The following USP34 variants were observed in gnomAD, a reference collection of about 807,000 sequenced individuals.
USP34 encodes ubiquitin carboxyl-terminal hydrolase 34.
In USP34, 70 loss-of-function variants were observed where a neutral mutation model predicts 460.3. The ratio of observed to expected loss-of-function variants is 0.15; its 90% CI spans 0.13 to 0.19. USP34 has a LOEUF of 0.19. Among genes scored for constraint, USP34 ranks in the 10% least tolerant of loss-of-function variants. USP34 has a pLI of 1.00. For synonymous variants in USP34, 1,647 were observed against 1,405.3 expected (o/e 1.17, Z -3.85); for missense variants, 3,985 against 4,236.2 (o/e 0.94, Z 1.65).
intron 19 of USP34, among the ~76,000 whole-genome samples, chr2:61,333,073 A>G (rs1691317102): frequency 6.6e-6 from 1 of 152,056 alleles, no homozygotes; most frequent in Non-Finnish European, 1.5e-5. Flanking sequence ...TGTCTCCGAA[A>G]TCTCTCCAAA....
rs1173818986 is a variant in USP34, at chr2:61,348,080, A to C, written c.2075T>G (p.Leu692Arg). 6.2e-7 allele frequency: 1 copy of C among 1,614,214 alleles called. No individual in the cohort carries two copies. The highest frequency in any genetic ancestry group is 1.7e-5 in the Admixed American group (1 of 60,026). Reference protein sequence around the residue: ...LPSVDNRMRMLDACSHSEDPE... With the variant: ...LPSVDNRMRMRDACSHSEDPE... The stretch of plus-strand genomic sequence containing the variant: ...GTCTTCAGAGTGTGAACAAGCATCC[A>C]GCATTCGCATTCGATTATCTACTGA... Residue 692 changes from leucine to arginine, a missense_variant, in exon 15 of 80, where the codon CTG (leucine) becomes CGG (arginine). By Grantham distance (102) the Leu-to-Arg change is moderately radical (BLOSUM62 -2). Transcript: ENST00000398571.
intron 57 of USP34, among the ~76,000 whole-genome samples, chr2:61,234,627 A>G (rs955114587): frequency 6.6e-6 from 1 of 152,004 alleles, no homozygotes; most frequent in Admixed American, 6.6e-5. Flanking sequence ...ACAAAGTTTC[A>G]GGTTTATTTT....
intron 34 of USP34, 24 bp downstream of exon 34, chr2:61,288,650 CATT>C (rs769051807): frequency 6.2e-7 from 1 of 1,600,650 alleles, no homozygotes; most frequent in Admixed American, 1.7e-5. Context: ...TGGAATTCAT[CATT>C]AAACATTAAT....
At chr2:61,369,777 T>C (rs1900573) in intron 10 of USP34, among the ~76,000 whole-genome samples, 105,853 of 148,146 alleles carry the variant, frequency 0.71, 38,136 homozygotes, top group African/African-American at 0.82. Context: ...AAAAAAAAAG[T>C]CAAAGCCACA....
At chr2:61,388,647 TCAGGAGGCTGATG>T (rs943669390) in intron 5 of USP34, among the ~76,000 whole-genome samples, 6 of 151,888 alleles carry the variant, frequency 4.0e-5, no homozygotes, top group Non-Finnish European at 8.8e-5. Context: ...CCCCAGCTAC[TCAGGAGGCTGATG>T]CAAGAGAATG....
In USP34 at chr2:61,214,379, G is replaced by C; in HGVS notation, c.8363C>G (p.Ser2788Cys). 6.2e-7 allele frequency: 1 copy of C among 1,614,194 alleles called. No individual in the cohort carries two copies. Among genetic ancestry groups the C allele is most frequent in the Non-Finnish European group, 8.5e-7 (1 of 1,180,028 alleles). ...GTGATTTGTAGCTATTGCTGGCTCA[G>C]AAAGTTTAGGCTGGAAAAGGTTCCA... is the stretch of plus-strand genomic sequence containing the variant. ...DLWNLFQPKL[S>C]EPAIATNHNK... is the part of the protein sequence containing the mutation. Residue 2788 changes from serine (S) to cysteine (C), a missense_variant, in exon 68 of 80, where the codon TCT (serine) becomes TGT (cysteine). Physicochemically the swap from Ser to Cys is moderately radical, Grantham distance 112 (BLOSUM62 -1). This residue lies in a region of USP34 where 66 missense variants were observed against 121.2 expected (regional missense o/e 0.54). Transcript: ENST00000398571.
At chr2:61,369,916 G>C (rs1295363175) in intron 10 of USP34, among the ~76,000 whole-genome samples, 1 of 143,970 alleles carries the variant, frequency 6.9e-6, no homozygotes, top group African/African-American at 2.6e-5. Flanking sequence ...GGGCAGAAAG[G>C]AAAAACATGT....
At chr2:61,378,259 A>G in intron 8 of USP34, 104 bp downstream of exon 8, 2 of 830,908 alleles carry the variant, frequency 2.4e-6, no homozygotes, top group Non-Finnish European at 3.8e-6. Context: ...TCAAAGGGCA[A>G]AGAATTTCTA....
chr2:61,420,757 G>A lies in USP34; in HGVS notation c.120C>T (p.Ser40=). 1 of 1,609,034 alleles carries A rather than the reference G, an allele frequency of 6.2e-7. No homozygotes were observed. ...CTAAAGATGCATACCTCTGTGTCCA[G>A]GAATTGATATAAGTAAATATTTTGA... is the stretch of plus-strand genomic sequence containing the variant. ...HTLKIFTYIN[S]WTQRQCLCCF... is the part of the protein sequence containing the mutation. Residue 40 remains serine (S), a synonymous_variant, in exon 2 of 80, where the codon TCC becomes TCT. Coordinates refer to ENST00000398571, the MANE Select transcript of USP34 (RefSeq NM_014709.4).
intron 23 of USP34, 23 bp downstream of exon 23, chr2:61,317,631 A>G: frequency 6.4e-7 from 1 of 1,573,080 alleles, no homozygotes; most frequent in South Asian, 1.2e-5. Context: ...AAGTTGCCTA[A>G]TAAAGTAAGT....
chr2:61,307,305 G>C (rs1247257287), intron 27 of USP34, among the ~76,000 whole-genome samples: 1 of 132,644 alleles, frequency 7.5e-6, no homozygotes, highest in Non-Finnish European at 1.6e-5. Flanking sequence ...TCACACACCG[G>C]GGCCTGTCAT....
At chr2:61,220,549 TA>T in intron 66 of USP34, 92 bp from the exon 67 acceptor site, 1 of 1,197,498 alleles carries the variant, frequency 8.4e-7, no homozygotes, top group Non-Finnish European at 1.1e-6. Flanking sequence ...GACACAAAGC[TA>T]AAGTACTTTT....
In USP34 at chr2:61,380,346, G is replaced by A. The variant is rs1373381443; in HGVS notation, c.837C>T (p.Leu279=). 2.5e-6 allele frequency: 4 copies of A among 1,605,160 alleles called. No individual in the cohort carries two copies. Among genetic ancestry groups the A allele is most frequent in the Non-Finnish European group, 3.4e-6 (4 of 1,176,404 alleles). ...CACTCTGTCGTAACTCCTGATCCGA[G>A]AGCTTGCATAAATACCTGAAATGAT... ...RTYVIRYLCK[L]SDQELRQSAA... is the part of the protein sequence containing the mutation. The change falls in exon 7 of 80, where the codon CTC becomes CTT. Residue 279 remains leucine (L), a synonymous_variant. Transcript: ENST00000398571.
chr2:61,441,141 ATTT>A (rs994020614), intron 1 of USP34, among the ~76,000 whole-genome samples: 1 of 140,600 alleles, frequency 7.1e-6, no homozygotes, highest in Admixed American at 7.1e-5. Context: ...AAAAAAAAAA[ATTT>A]TTTTTTTTTT....
intron 4 of USP34, 79 bp downstream of exon 4, chr2:61,395,104 T>G (rs1215763283): frequency 1.4e-6 from 2 of 1,448,642 alleles, no homozygotes; most frequent in Non-Finnish European, 1.9e-6. Context: ...AAGACATATA[T>G]AAATAATAAA....
chr2:61,467,664 G>C (rs1695817362), intron 1 of USP34, among the ~76,000 whole-genome samples: 1 of 122,380 alleles, frequency 8.2e-6, no homozygotes, highest in Admixed American at 1.0e-4. Flanking sequence ...CTGTGGCCGA[G>C]GCTGGAGTGC....
In USP34 at chr2:61,248,562, T is replaced by C. The variant is rs1038234302; in HGVS notation, c.6343A>G (p.Met2115Val). Residue 2115 changes from methionine to valine, a missense_variant, in exon 49 of 80, where the codon ATG becomes GTG. Around this residue, in one of 14 missense-constraint regions of USP34, gnomAD observed 145 missense variants for 291.6 expected, o/e 0.50. Coordinates refer to ENST00000398571, the MANE Select transcript of USP34 (RefSeq NM_014709.4). ...AGAAAATCTTCTGTATAGGGCGTCA[T>C]GTCCAAACGTAATGGGAAGGAAAAG... ...THFSFPLRLDMTPYTEDFLMG... is the reference protein window; with the variant it reads ...THFSFPLRLDVTPYTEDFLMG... The C allele has an allele frequency of 1.9e-6, 3 of 1,608,438 alleles. No individual in the cohort carries two copies. In the South Asian group the frequency reaches 3.3e-5, roughly 18 times the overall value.
intron 3 of USP34, among the ~76,000 whole-genome samples, chr2:61,395,703 G>A (rs1051308906): frequency 1.4e-5 from 2 of 146,506 alleles, no homozygotes; most frequent in Admixed American, 6.9e-5. Context: ...GGAGAATGGC[G>A]TGAACCCGGA....
intron 15 of USP34, chr2:61,346,118 G>A (rs1016791754): frequency 1.3e-5 from 2 of 151,982 alleles, no homozygotes; most frequent in African/African-American, 2.4e-5. Flanking sequence ...GTTTCCATAA[G>A]CACTCATATC....
Sources: allele counts gnomAD v4.1 joint callset (sites outside exome capture counted in the v4.1 genomes callset), GRCh38; gene constraint gnomAD v4.1.1; regional missense constraint gnomAD v4.1.1; transcripts MANE v1.5; gene names NCBI Gene and HGNC (gene_info 2026-07-23, HGNC 2026-07-21).